CSMD1: variants seen among roughly 807,000 people sequenced by gnomAD.
CSMD1 encodes CUB and sushi domain-containing protein 1.
Under a neutral mutation model 417.5 loss-of-function variants are expected in CSMD1, and 213 were observed. The ratio of observed to expected loss-of-function variants is 0.51; its 90% CI spans 0.46 to 0.57. CSMD1 has a LOEUF of 0.57. CSMD1 is among the 20% of genes least tolerant of loss of function. CSMD1 has a pLI of 0.00. For synonymous variants in CSMD1, 2,862 were observed against 1,736.8 expected, an observed-to-expected ratio of 1.65 and a Z score of -16.11; for missense variants, 6,923 against 4,529.7, an observed-to-expected ratio of 1.53 and a Z score of -15.17.
intron 5 of CSMD1, among the ~76,000 whole-genome samples, chr8:3,920,312 G>A (rs978076676): frequency 6.6e-6 from 1 of 151,896 alleles, no homozygotes; most frequent in Non-Finnish European, 1.5e-5. Flanking sequence ...TGAGATTATA[G>A]GAGTGAGCCA....
intron 1 of CSMD1, among the ~76,000 whole-genome samples, chr8:4,851,595 C>A (rs1189279009): frequency 1.3e-5 from 2 of 152,092 alleles, no homozygotes; most frequent in African/African-American, 2.4e-5. Flanking sequence ...CATTCAATAG[C>A]CTATCCAACT....
rs532608248 is a variant in CSMD1, at chr8:4,758,467, G to C, written c.86-120909C>G. On this transcript the variant is annotated intron_variant, in intron 1 of 69. Transcript: ENST00000635120. ...TAAAGGAAGCGTGAGCAAGGAAGGA[G>C]CTCAGAAAAGAAAGAGATCCCTTTG... is the stretch of plus-strand genomic sequence containing the variant. Among the ~76,000 whole-genome samples, 65 of 152,284 alleles carry C rather than the reference G, an allele frequency of 4.3e-4. 1 individual carries two copies. Among genetic ancestry groups the C allele is most frequent in the Admixed American group, 2.0e-3 (30 of 15,302 alleles).
At chr8:3,578,611 A>T (rs564085742) in intron 9 of CSMD1, among the ~76,000 whole-genome samples, 1 of 152,216 alleles carries the variant, frequency 6.6e-6, no homozygotes, top group East Asian at 1.9e-4. Context: ...ACTCAGAAAC[A>T]TAGACGTATG....
chr8:3,451,581 C>T (rs1585184330), intron 12 of CSMD1, among the ~76,000 whole-genome samples: 1 of 152,132 alleles, frequency 6.6e-6, no homozygotes, highest in East Asian at 1.9e-4. Flanking sequence ...GAATCCTTTC[C>T]CCATTTCCTG....
chr8:3,385,128 A>C (rs891994147), intron 18 of CSMD1, among the ~76,000 whole-genome samples: 1 of 36,972 alleles, frequency 2.7e-5, no homozygotes. Flanking sequence ...ATAATATATA[A>C]ATATATAATA....
At chr8:4,127,197 G>A (rs939190121) in intron 3 of CSMD1, among the ~76,000 whole-genome samples, 2 of 151,880 alleles carry the variant, frequency 1.3e-5, no homozygotes, top group African/African-American at 4.8e-5. Context: ...CCTGGAGGTG[G>A]CTGTCCGGCC....
intron 5 of CSMD1, among the ~76,000 whole-genome samples, chr8:3,972,207 T>G (rs899583000): frequency 1.3e-5 from 2 of 152,046 alleles, no homozygotes; most frequent in African/African-American, 4.8e-5. Context: ...ATCACTTTGT[T>G]GAAGAAAGCA....
At chr8:3,643,172 C>T (rs1252405273) in intron 7 of CSMD1, among the ~76,000 whole-genome samples, 1 of 151,944 alleles carries the variant, frequency 6.6e-6, no homozygotes, top group South Asian at 2.1e-4. Context: ...GTGAGAGCCA[C>T]ATCCAGGAAG....
chr8:3,005,044 C>T (rs1173137463), intron 52 of CSMD1, among the ~76,000 whole-genome samples: 1 of 152,112 alleles, frequency 6.6e-6, no homozygotes, highest in Non-Finnish European at 1.5e-5. Context: ...GAGGCTGAGG[C>T]AGAGGAATTG....
At chr8:3,956,226 G>C (rs529041548) in intron 5 of CSMD1, among the ~76,000 whole-genome samples, 2 of 152,024 alleles carry the variant, frequency 1.3e-5, no homozygotes, top group Non-Finnish European at 2.9e-5. Context: ...TAATGTGCCA[G>C]GTGGTGTTGT....
intron 6 of CSMD1, among the ~76,000 whole-genome samples, chr8:3,730,460 G>A (rs980976404): frequency 2.0e-5 from 3 of 147,294 alleles, no homozygotes; most frequent in African/African-American, 7.5e-5. Flanking sequence ...TGCTGTCTAA[G>A]AAGGCTCTCA....
At chr8:4,167,142 A>G (rs1031890436) in intron 3 of CSMD1, among the ~76,000 whole-genome samples, 2 of 151,586 alleles carry the variant, frequency 1.3e-5, no homozygotes, top group Non-Finnish European at 2.9e-5. Context: ...CTTAGGTGAC[A>G]TTTTTTTTTC....
intron 12 of CSMD1, among the ~76,000 whole-genome samples, chr8:3,429,254 C>T (rs1814055247): frequency 6.6e-6 from 1 of 152,068 alleles, no homozygotes; most frequent in Non-Finnish European, 1.5e-5. Flanking sequence ...CTTGATTTGA[C>T]CATTTCACAA....
chr8:4,618,392 T>C (rs79916006), intron 2 of CSMD1, among the ~76,000 whole-genome samples: 2,025 of 152,214 alleles, frequency 0.013, 33 homozygotes, highest in African/African-American at 0.037. Context: ...TTTGCAGAAA[T>C]ATTTCTGAGA....
chr8:3,678,839 T>C (rs934562756), intron 7 of CSMD1, among the ~76,000 whole-genome samples: 15 of 152,188 alleles, frequency 9.9e-5, no homozygotes, highest in Admixed American at 7.9e-4. Context: ...AGCTGATCTC[T>C]CAGCAGAAAG....
intron 1 of CSMD1, among the ~76,000 whole-genome samples, chr8:4,915,147 A>G (rs1450740706): frequency 6.6e-6 from 1 of 152,142 alleles, no homozygotes; most frequent in Non-Finnish European, 1.5e-5. Context: ...AAAATGGAAT[A>G]CGCATGCTTA....
rs73507951 is a variant in CSMD1, at chr8:4,913,722, T to G, written c.85+80610A>C. Among the ~76,000 whole-genome samples, 439 of 152,290 alleles carry G rather than the reference T, an allele frequency of 2.9e-3. 3 individuals are homozygous for G. The highest frequency in any genetic ancestry group is 0.01 in the African/African-American group (421 of 41,558). On this transcript the variant is annotated intron_variant, in intron 1 of 69. Transcript: ENST00000635120. ...CTACAATTAATCTTAGGAAGAACCATTGACAAATCTGCAAGCGAGGGAGTT... is the reference window on the plus strand; with the variant it reads ...CTACAATTAATCTTAGGAAGAACCAGTGACAAATCTGCAAGCGAGGGAGTT...
At chr8:4,614,955 G>T (rs1801392129) in intron 2 of CSMD1, among the ~76,000 whole-genome samples, 1 of 152,038 alleles carries the variant, frequency 6.6e-6, no homozygotes, top group Non-Finnish European at 1.5e-5. Context: ...TCTATGATTT[G>T]TCTGAAAAAC....
chr8:4,756,018 C>A (rs1357342582), intron 1 of CSMD1, among the ~76,000 whole-genome samples: 1 of 152,160 alleles, frequency 6.6e-6, no homozygotes, highest in African/African-American at 2.4e-5. Context: ...AAGTCATTTG[C>A]TAATTGTTTA....
Sources: allele counts gnomAD v4.1 joint callset (sites outside exome capture counted in the v4.1 genomes callset), GRCh38; gene constraint gnomAD v4.1.1; transcripts MANE v1.5; gene names NCBI Gene and HGNC (gene_info 2026-07-23, HGNC 2026-07-21).